PLEKHM1: variants seen among roughly 807,000 people sequenced by gnomAD.
The protein encoded by PLEKHM1 is pleckstrin homology domain-containing family M member 1.
In PLEKHM1, 28 loss-of-function variants were observed where a neutral mutation model predicts 94.3. That is an observed-to-expected ratio of 0.30 (90% CI 0.22 to 0.41). PLEKHM1 has a LOEUF of 0.41. Ranked by LOEUF, PLEKHM1 falls within the 10% of genes least tolerant of loss-of-function variation. PLEKHM1 has a pLI of 1.00. For synonymous variants in PLEKHM1, 424 were observed against 581.2 expected (o/e 0.73, Z 3.89); for missense variants, 907 against 1,358.6 (o/e 0.67, Z 5.22).
intron 2 of PLEKHM1, among the ~76,000 whole-genome samples, chr17:45,479,148 C>T (rs1028078011): frequency 5.3e-5 from 8 of 151,586 alleles, no homozygotes; most frequent in Non-Finnish European, 8.8e-5. Flanking sequence ...CCAAGGCAGG[C>T]GGATCACTTG....
intron 4 of PLEKHM1, among the ~76,000 whole-genome samples, chr17:45,469,480 TA>T (rs905271841): frequency 6.6e-6 from 1 of 152,134 alleles, no homozygotes; most frequent in African/African-American, 2.4e-5. Flanking sequence ...ATTTTGAAAA[TA>T]AACCCGTTTG....
intron 8 of PLEKHM1, among the ~76,000 whole-genome samples, chr17:45,447,219 G>T (rs997036286): frequency 3.3e-5 from 5 of 152,210 alleles, no homozygotes; most frequent in African/African-American, 4.8e-5. Flanking sequence ...TTTGGGGGCT[G>T]AGGGGGCCTC....
chr17:45,458,301 G>C lies in PLEKHM1; in HGVS notation c.1447C>G (p.Gln483Glu), dbSNP rs1367225764. ...AGGGAGCAGTTTTTTCTTGGTTCTT[G>C]AGAAAAATGCCTGTGGAGACCAGGC... ...SRPGLHRHFS[Q>E]EPRKNCSLGA... Residue 483 changes from glutamine (Q) to glutamate (E), a missense_variant, in exon 6 of 12, where the codon CAA becomes GAA. By Grantham distance (29) the Gln-to-Glu change is conservative (BLOSUM62 2). Coordinates refer to ENST00000430334, the MANE Select transcript of PLEKHM1 (RefSeq NM_014798.3). 8 of 1,613,306 alleles carry C rather than the reference G, an allele frequency of 5.0e-6. No individual in the cohort carries two copies. Among genetic ancestry groups the C allele is most frequent in the Non-Finnish European group, 6.8e-6 (8 of 1,179,566 alleles).
Position 45,437,270 on chromosome 17 carries a change from G to A in PLEKHM1, c.*588C>T. 1 of 454,114 alleles carries A rather than the reference G, an allele frequency of 2.2e-6. No individual in the cohort carries two copies. The highest frequency in any genetic ancestry group is 4.4e-6 in the Non-Finnish European group (1 of 226,790). 28.1% of individuals were successfully genotyped at this position (454,114 alleles called of 1,614,324 possible). On this transcript the variant is annotated 3_prime_UTR_variant, in exon 12 of 12. Coordinates refer to ENST00000430334, the MANE Select transcript of PLEKHM1 (RefSeq NM_014798.3). The surrounding 1 kb of genome is among the most constrained non-coding windows in gnomAD (Gnocchi z 4.0). ...GGGCGGTTTGGCACTGGCAGTGAGG[G>A]CCAAGGAAAGGCACTGGGTGGGCCC...
chr17:45,459,470 T>C (rs1194650809), intron 5 of PLEKHM1: 2 of 152,062 alleles, frequency 1.3e-5, no homozygotes, highest in African/African-American at 2.4e-5. Context: ...TTCCTTTTTA[T>C]TGCCAAATAA....
chr17:45,469,180 C>T (rs2051419249), intron 4 of PLEKHM1, among the ~76,000 whole-genome samples: 1 of 152,168 alleles, frequency 6.6e-6, no homozygotes, highest in Non-Finnish European at 1.5e-5. Context: ...AGCTTCACAT[C>T]CCCAGAAACT....
chr17:45,463,224 A>G (rs544999792), intron 5 of PLEKHM1, among the ~76,000 whole-genome samples: 48 of 152,108 alleles, frequency 3.2e-4, no homozygotes, highest in South Asian at 1.0e-3. Context: ...AACATCTTTT[A>G]CTCTCTTAAG....
downstream of PLEKHM1, among the ~76,000 whole-genome samples, chr17:45,434,678 C>T (rs1245602160): frequency 2.0e-5 from 3 of 152,146 alleles, no homozygotes; most frequent in Non-Finnish European, 1.5e-5. Context: ...CTTCTGACCT[C>T]AGATGATCCA....
rs185100959 is a variant in PLEKHM1, at chr17:45,475,444, C to T, written c.579G>A (p.Leu193=). ...AAAGCGGGCAAAGCCCAGACAGGGC[C>T]AATGGGGTGAGCGTCCACTCATTTA... is the stretch of plus-strand genomic sequence containing the variant. ...AILNEWTLTP[L]ALSGLCPLSE... is the part of the protein sequence containing the mutation. Residue 193 remains leucine, a synonymous_variant, in exon 4 of 12, where the codon TTG becomes TTA. Coordinates refer to ENST00000430334, the MANE Select transcript of PLEKHM1 (RefSeq NM_014798.3). The T allele has an allele frequency of 4.4e-5, 70 of 1,602,826 alleles. 1 individual carries two copies. The highest frequency in any genetic ancestry group is 1.7e-4 in the Middle Eastern group (1 of 6,012).
chr17:45,479,434 C>T (rs2051866150), intron 2 of PLEKHM1, among the ~76,000 whole-genome samples: 2 of 151,092 alleles, frequency 1.3e-5, no homozygotes, highest in East Asian at 1.9e-4. Context: ...AGGAGAATGG[C>T]GTGAACTCAG....
At chr17:45,476,012 T>C (rs1454620605) in intron 3 of PLEKHM1, 1 of 492,984 alleles carries the variant, frequency 2.0e-6, no homozygotes, top group Non-Finnish European at 3.7e-6. Flanking sequence ...ATGTGGTGGC[T>C]TGCACGTGTA....
intron 1 of PLEKHM1, among the ~76,000 whole-genome samples, chr17:45,490,289 G>C (rs2052271275): frequency 6.6e-6 from 1 of 152,118 alleles, no homozygotes; most frequent in African/African-American, 2.4e-5. Context: ...CAGAGGGGTG[G>C]GGAGAGAGGA....
intron 1 of PLEKHM1, among the ~76,000 whole-genome samples, chr17:45,487,460 C>T (rs1211504610): frequency 3.3e-5 from 5 of 152,164 alleles, no homozygotes; most frequent in Non-Finnish European, 4.4e-5. Flanking sequence ...TAGAGGTACT[C>T]GGAAGCTCCA....
rs1303835461 is a variant in PLEKHM1, at chr17:45,463,003, G to A, written c.1309-4564C>T. Among the ~76,000 whole-genome samples, 4 of 149,788 alleles carry A rather than the reference G, an allele frequency of 2.7e-5. No homozygotes were observed. The East Asian group carries it at 5.8e-4, about 22-fold the overall frequency. ...AGGCTGAGGCACAAGAATTGCTTGA[G>A]CCTTGGAGGCAGAGGTTGCAGTGAG... is the stretch of plus-strand genomic sequence containing the variant. On this transcript the variant is annotated intron_variant, in intron 5 of 11. Transcript: ENST00000430334.
rs1464925034 is a variant in PLEKHM1 at position 45,468,340 on chromosome 17, T to C, written c.1177A>G (p.Thr393Ala). The C allele has an allele frequency of 3.1e-6, 5 of 1,614,010 alleles. No homozygotes were observed. Among genetic ancestry groups the C allele is most frequent in the Non-Finnish European group, 4.2e-6 (5 of 1,179,992 alleles). ...GTACTAGAAGGCTGCTGGCCTGAGGTGCTCTCTACAGGCTGCTGTAAGTCC... is the reference window on the plus strand; with the variant it reads ...GTACTAGAAGGCTGCTGGCCTGAGGCGCTCTCTACAGGCTGCTGTAAGTCC... ...PLDLQQPVES[T>A]SGQQPSSTVS... is the part of the protein sequence containing the mutation. Residue 393 changes from threonine (T) to alanine (A), a missense_variant, in exon 5 of 12, where the codon ACC (threonine) becomes GCC (alanine). Transcript: ENST00000430334.
At chr17:45,435,524 C>T (rs138614443), downstream of PLEKHM1, among the ~76,000 whole-genome samples, 427 of 152,312 alleles carry the variant, frequency 2.8e-3, 3 homozygotes, top group African/African-American at 9.8e-3. Flanking sequence ...TGAGAAATGT[C>T]CCCTGTATCC....
intron 2 of PLEKHM1, among the ~76,000 whole-genome samples, chr17:45,479,000 C>T (rs1279204314): frequency 3.5e-5 from 5 of 143,672 alleles, no homozygotes; most frequent in Admixed American, 7.4e-5. Context: ...GAGGATTCTC[C>T]TGAGGACAGG....
intron 1 of PLEKHM1, among the ~76,000 whole-genome samples, chr17:45,484,678 C>T (rs540239909): frequency 1.3e-5 from 2 of 152,278 alleles, no homozygotes; most frequent in Admixed American, 1.3e-4. Flanking sequence ...TAAACCTCTT[C>T]GAATATTTAA....
At chr17:45,455,287 G>A (rs931584243) in intron 6 of PLEKHM1, among the ~76,000 whole-genome samples, 4 of 151,862 alleles carry the variant, frequency 2.6e-5, no homozygotes, top group African/African-American at 9.7e-5. Flanking sequence ...CTCAGCCCTC[G>A]CCCCCACCCT....
Sources: gnomAD v4.1 joint callset for allele counts (sites outside exome capture counted in the v4.1 genomes callset) on GRCh38, gnomAD v4.1.1 for gene constraint, Gnocchi (gnomAD v3.1) non-coding constraint, MANE v1.5 for transcripts, NCBI Gene and HGNC (gene_info 2026-07-23, HGNC 2026-07-21) for gene names.